The following ANKRD30BL variants were observed in gnomAD, a reference collection of about 807,000 sequenced individuals.
The protein encoded by ANKRD30BL is ankyrin repeat domain 30B like.
In ANKRD30BL, 20 loss-of-function variants were observed where a neutral mutation model predicts 18.4. The ratio of observed to expected loss-of-function variants is 1.09; its 90% CI spans 0.77 to 1.58. The LOEUF (loss-of-function observed/expected upper bound fraction) is 1.58, where lower values mean the gene tolerates loss of function less well. Ranked by LOEUF, ANKRD30BL falls within the 40% of genes most tolerant of loss-of-function variation. The pLI is 0.00. For synonymous variants in ANKRD30BL, 72 were observed against 100.9 expected, an observed-to-expected ratio of 0.71 and a Z score of 1.72; for missense variants, 224 against 268.6, an observed-to-expected ratio of 0.83 and a Z score of 1.16.
intron 1 of ANKRD30BL, among the ~76,000 whole-genome samples, chr2:132,207,814 G>T (rs560944061): frequency 6.6e-6 from 1 of 152,208 alleles, no homozygotes; most frequent in African/African-American, 2.4e-5. Flanking sequence ...TCATTAATTG[G>T]TCCCTTGGAA....
At chr2:132,203,534 T>G (rs1019557553) in intron 1 of ANKRD30BL, among the ~76,000 whole-genome samples, 4 of 152,160 alleles carry the variant, frequency 2.6e-5, no homozygotes, top group Non-Finnish European at 5.9e-5. Flanking sequence ...CTGTTTAATT[T>G]CTTTAAATAT....
At chr2:132,222,043 CGG>C (rs763901690) in intron 1 of ANKRD30BL, among the ~76,000 whole-genome samples, 656 of 44,436 alleles carry the variant, frequency 0.015, 25 homozygotes, top group African/African-American at 0.053. Context: ...GGGAGGGAGG[CGG>C]GGGGGGGGGT....
intron 2 of ANKRD30BL, 37 bp from the exon 3 acceptor site, chr2:132,157,183 T>C: frequency 1.5e-6 from 2 of 1,308,742 alleles, no homozygotes; most frequent in East Asian, 2.6e-5. Context: ...TTATAAATTA[T>C]AGGAAATATA....
intron 1 of ANKRD30BL, chr2:132,256,881 G>T (rs1573904758): frequency 2.2e-6 from 1 of 444,832 alleles, no homozygotes; most frequent in Non-Finnish European, 4.5e-6. Flanking sequence ...GAGGATCCGC[G>T]GGCAGGGTGG....
intron 1 of ANKRD30BL, among the ~76,000 whole-genome samples, chr2:132,252,598 AG>A (rs773478371): frequency 1.3e-3 from 201 of 151,964 alleles, no homozygotes; most frequent in Middle Eastern, 6.8e-3. Flanking sequence ...GTTGGGGAGG[AG>A]GGGCACTGGA....
chr2:132,147,894 A>G lies in ANKRD30BL; in HGVS notation c.*237T>C. On this transcript the variant is annotated 3_prime_UTR_variant, in exon 6 of 6. Coordinates refer to ENST00000409867, the MANE Select transcript of ANKRD30BL (RefSeq NM_001358416.1). ...CAGAGCAGGTTACTAAGAATGACTA[A>G]AGACAAAGCAGGTGTTAGAGGCTAG... is the stretch of plus-strand genomic sequence containing the variant. 2.1e-6 allele frequency: 1 copy of G among 477,858 alleles called. No homozygotes were observed. The highest frequency in any genetic ancestry group is 3.9e-6 in the Non-Finnish European group (1 of 259,622). 29.6% of individuals were successfully genotyped at this position (477,858 alleles called of 1,614,324 possible). A position where few individuals can be genotyped will look rare whatever the true frequency, so the allele number is the denominator to read the frequency against.
intron 1 of ANKRD30BL, among the ~76,000 whole-genome samples, chr2:132,256,247 C>A (rs72869434): frequency 6.6e-6 from 1 of 150,506 alleles, no homozygotes; most frequent in Admixed American, 6.6e-5. Flanking sequence ...GTCCCAGTTG[C>A]GAGATTGGGC....
At chr2:132,236,203 G>A (rs1680146714) in intron 1 of ANKRD30BL, among the ~76,000 whole-genome samples, 2 of 152,078 alleles carry the variant, frequency 1.3e-5, no homozygotes, top group South Asian at 4.1e-4. Context: ...ATGGATTAAA[G>A]ACTTAAACGT....
At chr2:132,251,390 C>G (rs1680643774) in intron 1 of ANKRD30BL, among the ~76,000 whole-genome samples, 1 of 143,812 alleles carries the variant, frequency 7.0e-6, no homozygotes, top group South Asian at 2.2e-4. Context: ...CTGTAACTAC[C>G]ACTTCGACAG....
chr2:132,252,901 C>T (rs967836651), intron 1 of ANKRD30BL, among the ~76,000 whole-genome samples: 4 of 152,132 alleles, frequency 2.6e-5, no homozygotes, highest in African/African-American at 9.7e-5. Context: ...GCTATCTTCC[C>T]TTTCTATTTT....
At chr2:132,245,123 C>G (rs1232145126) in intron 1 of ANKRD30BL, among the ~76,000 whole-genome samples, 1 of 152,240 alleles carries the variant, frequency 6.6e-6, no homozygotes, top group African/African-American at 2.4e-5. Flanking sequence ...TAGACAGAAG[C>G]ATTCTCAGAA....
At chr2:132,181,210 A>G (rs1688454902) in intron 1 of ANKRD30BL, among the ~76,000 whole-genome samples, 1 of 152,120 alleles carries the variant, frequency 6.6e-6, no homozygotes. Flanking sequence ...ATGGTGGCTG[A>G]TGCCTGTAAT....
intron 1 of ANKRD30BL, among the ~76,000 whole-genome samples, chr2:132,236,506 C>A (rs1680155106): frequency 6.6e-6 from 1 of 151,862 alleles, no homozygotes; most frequent in African/African-American, 2.4e-5. Flanking sequence ...TTTATGCAGC[C>A]AAAAAACACA....
intron 1 of ANKRD30BL, among the ~76,000 whole-genome samples, chr2:132,241,191 C>G (rs1408335281): frequency 1.3e-5 from 2 of 151,898 alleles, no homozygotes; most frequent in Non-Finnish European, 2.9e-5. Context: ...AAAAACTAGA[C>G]AGAAGAATTC....
intron 1 of ANKRD30BL, among the ~76,000 whole-genome samples, chr2:132,240,543 A>C (rs1040979379): frequency 6.6e-6 from 1 of 151,806 alleles, no homozygotes; most frequent in African/African-American, 2.4e-5. Flanking sequence ...TGATGGGTGT[A>C]CTCAACTCAC....
chr2:132,231,836 C>G (rs1303632575), intron 1 of ANKRD30BL, among the ~76,000 whole-genome samples: 1 of 152,226 alleles, frequency 6.6e-6, no homozygotes, highest in Non-Finnish European at 1.5e-5. Flanking sequence ...TGGAGCCCAC[C>G]ACAGCTCAAG....
chr2:132,254,230 G>C (rs887149325), intron 1 of ANKRD30BL, among the ~76,000 whole-genome samples: 2 of 152,064 alleles, frequency 1.3e-5, no homozygotes, highest in African/African-American at 4.8e-5. Flanking sequence ...TCTCGGGGCA[G>C]GTGGGGCCAT....
intron 1 of ANKRD30BL, among the ~76,000 whole-genome samples, chr2:132,248,294 T>C (rs368298304): frequency 1.3e-5 from 2 of 152,230 alleles, no homozygotes; most frequent in African/African-American, 4.8e-5. Context: ...ACCATAGGCC[T>C]CAAAGCACTC....
At chr2:132,221,917 G>C (rs1485607614) in intron 1 of ANKRD30BL, among the ~76,000 whole-genome samples, 4 of 126,064 alleles carry the variant, frequency 3.2e-5, no homozygotes, top group African/African-American at 1.1e-4. Context: ...GGAGGGAGGT[G>C]GGGGGATCAG....
Sources: allele counts gnomAD v4.1 joint callset (sites outside exome capture counted in the v4.1 genomes callset), GRCh38; gene constraint gnomAD v4.1.1; transcripts MANE v1.5; gene names NCBI Gene and HGNC (gene_info 2026-07-23, HGNC 2026-07-21).